OPCML: variants seen among roughly 807,000 people sequenced by gnomAD.
The protein encoded by OPCML is opioid-binding protein/cell adhesion molecule.
Under a neutral mutation model 37.8 loss-of-function variants are expected in OPCML, and 13 were observed. That is an observed-to-expected ratio of 0.34 (90% CI 0.22 to 0.55). The LOEUF (loss-of-function observed/expected upper bound fraction) is 0.55, where lower values mean the gene tolerates loss of function less well. Ranked by LOEUF, OPCML falls within the 20% of genes least tolerant of loss-of-function variation. The pLI, the probability that OPCML is intolerant of heterozygous loss-of-function variation, is 0.91. For missense variants in OPCML, 341 were observed against 435.6 expected (o/e 0.78, Z 1.93); for synonymous variants, 176 against 168.8 (o/e 1.04, Z -0.33).
At chr11:132,680,059 A>G (rs917773872) in intron 2 of OPCML, among the ~76,000 whole-genome samples, 1 of 152,188 alleles carries the variant, frequency 6.6e-6, no homozygotes, top group African/African-American at 2.4e-5. Context: ...CATGTATTCC[A>G]GAATGTGCTC....
chr11:133,321,221 C>T (rs1446940081), intron 1 of OPCML, among the ~76,000 whole-genome samples: 3 of 152,156 alleles, frequency 2.0e-5, no homozygotes, highest in Admixed American at 1.3e-4. Context: ...CCTAGTTACT[C>T]TCCAGCTTCT....
At chr11:132,500,552 C>A (rs2096243313) in intron 4 of OPCML, among the ~76,000 whole-genome samples, 1 of 152,008 alleles carries the variant, frequency 6.6e-6, no homozygotes, top group Non-Finnish European at 1.5e-5. Flanking sequence ...CACATGGTTC[C>A]CTTTATTTAT....
intron 2 of OPCML, among the ~76,000 whole-genome samples, chr11:132,801,192 T>C (rs1452782725): frequency 2.0e-5 from 3 of 152,250 alleles, no homozygotes; most frequent in Non-Finnish European, 4.4e-5. Context: ...TTATTCATTA[T>C]AGTTTCTTAT....
intron 1 of OPCML, among the ~76,000 whole-genome samples, chr11:133,200,823 A>G (rs1938748083): frequency 6.6e-6 from 1 of 152,258 alleles, no homozygotes; most frequent in Non-Finnish European, 1.5e-5. Flanking sequence ...ATAAAGACAT[A>G]TACACCCATA....
intron 3 of OPCML, among the ~76,000 whole-genome samples, chr11:132,543,428 G>A (rs1256735044): frequency 6.6e-6 from 1 of 152,036 alleles, no homozygotes; most frequent in African/African-American, 2.4e-5. Flanking sequence ...CAGGAGAACT[G>A]CTTGAACCCA....
At chr11:132,656,700 G>A (rs1469158676) in intron 3 of OPCML, among the ~76,000 whole-genome samples, 1 of 152,122 alleles carries the variant, frequency 6.6e-6, no homozygotes, top group African/African-American at 2.4e-5. Context: ...GTTTCTCATT[G>A]GCATTATTCG....
At chr11:132,446,977 C>A (rs182514958) in intron 4 of OPCML, among the ~76,000 whole-genome samples, 1 of 152,064 alleles carries the variant, frequency 6.6e-6, no homozygotes, top group South Asian at 2.1e-4. Flanking sequence ...AGTGGACTGC[C>A]AATACTGTGT....
At chr11:132,466,315 T>TA (rs2096119464) in intron 4 of OPCML, among the ~76,000 whole-genome samples, 3 of 68,318 alleles carry the variant, frequency 4.4e-5, no homozygotes, top group Non-Finnish European at 8.9e-5. Context: ...CTACTAAAAA[T>TA]ACAAAAAAAA....
At chr11:133,008,340 G>C in intron 1 of OPCML, 1 of 985,378 alleles carries the variant, frequency 1.0e-6, no homozygotes, top group Non-Finnish European at 1.2e-6. Flanking sequence ...ATGGGAAAGA[G>C]ACCTGAAAGG....
At chr11:132,773,800 C>T (rs1371525272) in intron 2 of OPCML, among the ~76,000 whole-genome samples, 2 of 152,076 alleles carry the variant, frequency 1.3e-5, no homozygotes, top group Non-Finnish European at 2.9e-5. Context: ...ATTTTTATGG[C>T]CTCTTTTTCT....
At position 132,510,998 on chromosome 11, in the gene OPCML, T is replaced by A. The variant is rs115976968; in HGVS notation, c.505+18063A>T. ...AGTATAATAAGACAAGAAAAATTAA[T>A]AAGAGGCATACTGACTGGTATGAAA... On this transcript the variant is annotated intron_variant, in intron 4 of 7. Transcript: ENST00000524381. Among the ~76,000 whole-genome samples, 608 of 152,224 alleles carry A rather than the reference T, an allele frequency of 4.0e-3. 8 individuals carry two copies. Among genetic ancestry groups the A allele is most frequent in the African/African-American group, 0.014 (585 of 41,536 alleles).
intron 1 of OPCML, among the ~76,000 whole-genome samples, chr11:132,991,912 A>C (rs1189592738): frequency 6.6e-6 from 1 of 150,986 alleles, no homozygotes; most frequent in Non-Finnish European, 1.5e-5. Context: ...CATTGCCAAC[A>C]CTGTCTGTGT....
At chr11:132,853,280 A>G (rs1169206190) in intron 2 of OPCML, among the ~76,000 whole-genome samples, 3 of 152,206 alleles carry the variant, frequency 2.0e-5, no homozygotes, top group Non-Finnish European at 4.4e-5. Flanking sequence ...AAGAATTTTC[A>G]GATGAGATTG....
intron 1 of OPCML, among the ~76,000 whole-genome samples, chr11:133,391,876 AT>A (rs1425244509): frequency 6.6e-6 from 1 of 152,194 alleles, no homozygotes; most frequent in Non-Finnish European, 1.5e-5. Context: ...AGAAGCTAAG[AT>A]TCAAAGTTCA....
At chr11:132,557,913 A>G (rs2096399559) in intron 3 of OPCML, among the ~76,000 whole-genome samples, 1 of 152,158 alleles carries the variant, frequency 6.6e-6, no homozygotes, top group African/African-American at 2.4e-5. Flanking sequence ...ATTTATTTTA[A>G]AATCTTCTCT....
chr11:132,961,692 A>G (rs1946096582), intron 1 of OPCML, among the ~76,000 whole-genome samples: 1 of 152,200 alleles, frequency 6.6e-6, no homozygotes, highest in Non-Finnish European at 1.5e-5. Flanking sequence ...CATCTGTACG[A>G]TGAGCCCCTT....
rs556372930 is a variant in OPCML at position 132,634,595 on chromosome 11, G to C, written c.379+22492C>G. Among the ~76,000 whole-genome samples the C allele has an allele frequency of 2.6e-5, 4 of 152,312 alleles. No homozygotes were observed. The South Asian group carries it at 8.3e-4, about 32-fold the overall frequency. On this transcript the variant is annotated intron_variant, in intron 3 of 7. Transcript: ENST00000524381. ...ATCTGCACCTTGGGGATTATGTAGTGCTGCTTCCTCATCTCTAAAGATGGG... is the reference window on the plus strand; with the variant it reads ...ATCTGCACCTTGGGGATTATGTAGTCCTGCTTCCTCATCTCTAAAGATGGG...
chr11:133,448,569 T>G (rs891904078), intron 1 of OPCML, among the ~76,000 whole-genome samples: 1 of 152,226 alleles, frequency 6.6e-6, no homozygotes, highest in African/African-American at 2.4e-5. Flanking sequence ...GCGATACTCC[T>G]GCCTCAGTCT....
chr11:133,148,392 C>A (rs1949927822), intron 1 of OPCML, among the ~76,000 whole-genome samples: 1 of 152,216 alleles, frequency 6.6e-6, no homozygotes, highest in African/African-American at 2.4e-5. Context: ...CCCCTGTCGC[C>A]TCCAGATATC....
Sources: gnomAD v4.1 joint callset for allele counts (sites outside exome capture counted in the v4.1 genomes callset) on GRCh38, gnomAD v4.1.1 for gene constraint, MANE v1.5 for transcripts, NCBI Gene and HGNC (gene_info 2026-07-23, HGNC 2026-07-21) for gene names.